The following EPB42 variants were observed in gnomAD, a reference collection of about 807,000 sequenced individuals.
EPB42 encodes protein 4.2.
A neutral mutation model predicts 76.9 loss-of-function variants in EPB42; 49 were observed. The observed-to-expected ratio is 0.64, with a 90% CI of 0.51 to 0.81. The LOEUF (loss-of-function observed/expected upper bound fraction) is 0.81, where lower values mean the gene tolerates loss of function less well. Ranked by LOEUF, EPB42 falls within the 30% of genes least tolerant of loss-of-function variation. EPB42 has a pLI of 0.00. For synonymous variants in EPB42, 310 were observed against 338.4 expected (o/e 0.92, Z 0.92); for missense variants, 731 against 867.6 (o/e 0.84, Z 1.98).
chr15:43,218,413 C>A (rs908739893), intron 1 of EPB42, among the ~76,000 whole-genome samples: 3 of 152,210 alleles, frequency 2.0e-5, no homozygotes, highest in African/African-American at 7.2e-5. Context: ...CTTCCAAGAT[C>A]CAAAGGCACC....
upstream of EPB42, among the ~76,000 whole-genome samples, chr15:43,221,537 T>C (rs1367418317): frequency 7.2e-5 from 11 of 152,206 alleles, no homozygotes; most frequent in Non-Finnish European, 1.6e-4. Flanking sequence ...CTATGTCTTT[T>C]CAATTTTTCT....
Position 43,203,145 on chromosome 15 carries a change from A to C in EPB42, c.1749T>G (p.Ile583Met), listed in dbSNP as rs757258460. 3.1e-6 allele frequency: 5 copies of C among 1,613,986 alleles called. No homozygotes were observed. The highest frequency in any genetic ancestry group is 4.2e-6 in the Non-Finnish European group (5 of 1,180,018). Residue 583 changes from isoleucine to methionine, a missense_variant, in exon 11 of 13, where the codon ATT becomes ATG. Transcript: ENST00000441366. ...TGGCAAGGTGTGGTCTACAAATGGC[A>C]ATGTCTTCCTGAGCAAAGCAGCTAA... The part of the protein sequence containing the change: ...SNLSCFAQED[I>M]AICRPHLAIK...
chr15:43,212,400 A>AG (rs1252772417), intron 3 of EPB42, among the ~76,000 whole-genome samples: 1 of 151,948 alleles, frequency 6.6e-6, no homozygotes, highest in African/African-American at 2.4e-5. Context: ...AAAAGAAAAA[A>AG]AAAAGAAAAT....
At chr15:43,205,259 T>G (rs1230231666) in intron 10 of EPB42, among the ~76,000 whole-genome samples, 1 of 152,148 alleles carries the variant, frequency 6.6e-6, no homozygotes, top group Non-Finnish European at 1.5e-5. Context: ...GGAAGAGTGA[T>G]ACAGAGACTG....
chr15:43,218,289 G>A (rs1033838858), intron 1 of EPB42, among the ~76,000 whole-genome samples: 1 of 152,060 alleles, frequency 6.6e-6, no homozygotes, highest in Admixed American at 6.6e-5. Context: ...CCGTGTATCC[G>A]AACCCACGTA....
intron 1 of EPB42, 166 bp downstream of exon 1, chr15:43,220,650 C>CA: frequency 7.6e-6 from 2 of 263,208 alleles, no homozygotes; most frequent in Non-Finnish European, 5.6e-6. Context: ...ACCTACCACA[C>CA]CCCCCCCCCA....
chr15:43,218,123 A>C (rs1350041490), intron 1 of EPB42, among the ~76,000 whole-genome samples: 1 of 152,086 alleles, frequency 6.6e-6, no homozygotes, highest in Non-Finnish European at 1.5e-5. Context: ...TGTAAACTGA[A>C]GTACAGCAGC....
At chr15:43,200,661 G>A (rs558469338) in intron 12 of EPB42, among the ~76,000 whole-genome samples, 1 of 152,260 alleles carries the variant, frequency 6.6e-6, no homozygotes, top group East Asian at 1.9e-4. Context: ...TGCCAGGAAT[G>A]AAGGAGGGGT....
chr15:43,215,401 T>A, intron 2 of EPB42, 73 bp from the exon 3 acceptor site: 1 of 1,496,458 alleles, frequency 6.7e-7, no homozygotes, highest in Non-Finnish European at 9.3e-7. Context: ...GTCAGGGTAT[T>A]ACAAAGATGG....
chr15:43,215,470 A>G (rs764425729), intron 2 of EPB42, 142 bp from the exon 3 acceptor site: 7 of 847,268 alleles, frequency 8.3e-6, no homozygotes, highest in Admixed American at 2.0e-5. Flanking sequence ...AATGAGGCCC[A>G]TCAAGAAAGA....
chr15:43,206,449 T>C lies in EPB42; in HGVS notation c.1499A>G (p.His500Arg). The C allele has an allele frequency of 6.2e-7, 1 of 1,614,238 alleles. No homozygotes were observed. The highest frequency in any genetic ancestry group is 8.5e-7 in the Non-Finnish European group (1 of 1,180,040). The change falls in exon 10 of 13, where the codon CAC (histidine) becomes CGC (arginine). Residue 500 changes from histidine (H) to arginine (R), a missense_variant. Physicochemically the swap from His to Arg is conservative, Grantham distance 29. Coordinates refer to ENST00000441366, the MANE Select transcript of EPB42 (RefSeq NM_001114134.2). The surrounding 1 kb of genome is among the most constrained non-coding windows in gnomAD (Gnocchi z 4.7). Reference sequence around the variant, plus strand: ...CTGCACTGCCTTCTCCTGCTCACTGTGATTAACCAGCGTCACTGAGATCTG... The same window carrying C: ...CTGCACTGCCTTCTCCTGCTCACTGCGATTAACCAGCGTCACTGAGATCTG... ...DAQISVTLVN[H>R]SEQEKAVQLA...
At chr15:43,209,497 G>C (rs933519397) in intron 5 of EPB42, 46 bp from the exon 6 acceptor site, 1 of 1,579,776 alleles carries the variant, frequency 6.3e-7, no homozygotes, top group Non-Finnish European at 8.6e-7. Context: ...CCTTGGGCAG[G>C]ACAGCTTCCA....
chr15:43,221,821 TAAAAAAAAAA>T (rs56939497), upstream of EPB42, among the ~76,000 whole-genome samples: 4 of 107,470 alleles, frequency 3.7e-5, no homozygotes, highest in Non-Finnish European at 7.7e-5. Context: ...TCTTATTATG[TAAAAAAAAAA>T]AAAAAAAAAA....
intron 11 of EPB42, among the ~76,000 whole-genome samples, chr15:43,202,618 C>A (rs499280): frequency 0.87 from 132,308 of 152,232 alleles, 57,689 homozygotes; most frequent in Middle Eastern, 0.92. Flanking sequence ...AACCTGCTTG[C>A]GGGCAGGGAT....
intron 8 of EPB42, among the ~76,000 whole-genome samples, 194 bp downstream of exon 8, chr15:43,208,036 G>T (rs1316456101): frequency 6.6e-6 from 1 of 152,176 alleles, no homozygotes; most frequent in African/African-American, 2.4e-5. Context: ...CTTGTAGCCG[G>T]GATAGCAGGC....
At chr15:43,204,910 C>T (rs2042176623) in intron 10 of EPB42, among the ~76,000 whole-genome samples, 1 of 151,924 alleles carries the variant, frequency 6.6e-6, no homozygotes, top group African/African-American at 2.4e-5. Context: ...TTTAAAAGTT[C>T]CCCAGATGAT....
Position 43,220,818 on chromosome 15 carries a change from T to C in EPB42, c.8A>G (p.Gln3Arg). MG[Q>R]ALGIKSCDFQ... ...TGTCGAGCGCTGGCTTGGCTCACCC[T>C]GTCCCATGGTTGCAGGCCGCTCCTC... The change falls in exon 1 of 13, where the codon CAG becomes CGG. Residue 3 changes from glutamine (Q) to arginine (R), a missense_variant and splice_region_variant. Transcript: ENST00000441366. 6.2e-7 allele frequency: 1 copy of C among 1,611,650 alleles called. No homozygotes were observed. The highest frequency in any genetic ancestry group is 1.3e-5 in the African/African-American group (1 of 75,054).
At chr15:43,211,623 G>T (rs993260864) in intron 3 of EPB42, 89 bp from the exon 4 acceptor site, 11 of 927,988 alleles carry the variant, frequency 1.2e-5, no homozygotes, top group Non-Finnish European at 1.8e-5. Context: ...CCGAGATTAG[G>T]TTTGGCTGCA....
intron 3 of EPB42, among the ~76,000 whole-genome samples, chr15:43,213,280 G>A (rs749581616): frequency 2.6e-5 from 4 of 152,136 alleles, no homozygotes; most frequent in Admixed American, 2.0e-4. Flanking sequence ...CCTGGCCTGT[G>A]AGCAGGGCTC....
Sources: gnomAD v4.1 joint callset for allele counts (sites outside exome capture counted in the v4.1 genomes callset) on GRCh38, gnomAD v4.1.1 for gene constraint, Gnocchi (gnomAD v3.1) non-coding constraint, MANE v1.5 for transcripts, NCBI Gene and HGNC (gene_info 2026-07-23, HGNC 2026-07-21) for gene names.